Variants in SLC24A2 observed in about 807,000 individuals in gnomAD.
The protein encoded by SLC24A2 is sodium/potassium/calcium exchanger 2.
A neutral mutation model predicts 62.0 loss-of-function variants in SLC24A2; 36 were observed. The observed-to-expected ratio is 0.58, with a 90% CI of 0.44 to 0.77. The LOEUF (loss-of-function observed/expected upper bound fraction) is 0.77. Among genes scored for constraint, SLC24A2 ranks in the 30% least tolerant of loss-of-function variants. The pLI is 0.00. For synonymous variants in SLC24A2, 358 were observed against 294.0 expected (o/e 1.22, Z -2.23); for missense variants, 846 against 817.9 (o/e 1.03, Z -0.42).
intron 2 of SLC24A2, among the ~76,000 whole-genome samples, chr9:19,691,448 G>A (rs1171479232): frequency 6.6e-6 from 1 of 152,094 alleles, no homozygotes; most frequent in African/African-American, 2.4e-5. Context: ...CAGGGCTCAA[G>A]GTGACTGAAG....
At chr9:20,220,826 C>T in the SLC24A2 span, among the ~76,000 whole-genome samples, 2 of 152,062 alleles carry the variant, frequency 1.3e-5, no homozygotes, top group Non-Finnish European at 2.9e-5. Context: ...TCAGAGTTCC[C>T]CAACCCTCAC....
chr9:20,238,754 CATATGTTGAA>C, the SLC24A2 span, among the ~76,000 whole-genome samples: 2 of 152,120 alleles, frequency 1.3e-5, no homozygotes, highest in African/African-American at 4.8e-5. Context: ...TTCCAAAATT[CATATGTTGAA>C]GTATTAACCC....
chr9:20,188,276 G>A, the SLC24A2 span, among the ~76,000 whole-genome samples: 6 of 152,112 alleles, frequency 3.9e-5, no homozygotes, highest in African/African-American at 1.4e-4. Flanking sequence ...TTCCCATCTT[G>A]GGTGCCATCA....
the SLC24A2 span, among the ~76,000 whole-genome samples, chr9:19,931,854 A>G: frequency 6.6e-6 from 1 of 152,210 alleles, no homozygotes; most frequent in African/African-American, 2.4e-5. Flanking sequence ...TCATTGAATA[A>G]AGAAATAAAA....
At chr9:20,016,958 A>G in the SLC24A2 span, among the ~76,000 whole-genome samples, 1 of 152,250 alleles carries the variant, frequency 6.6e-6, no homozygotes, top group Admixed American at 6.5e-5. Flanking sequence ...TAATTAAAAG[A>G]TCACATAAGT....
Position 19,697,765 on chromosome 9 carries a change from T to C in SLC24A2, c.931-75466A>G, listed in dbSNP as rs369636579. ...CTCAAAGAAGACACAATTCATACTT[T>C]CCATTTTTCATTGACATCATTAAGT... On this transcript the variant is annotated intron_variant, in intron 2 of 10. Coordinates refer to ENST00000341998, the MANE Select transcript of SLC24A2 (RefSeq NM_020344.4). Among the ~76,000 whole-genome samples, 6 of 152,274 alleles carry C rather than the reference T, an allele frequency of 3.9e-5. No homozygotes were observed. The South Asian group carries it at 1.2e-3, about 32-fold the overall frequency.
intron 7 of SLC24A2, among the ~76,000 whole-genome samples, chr9:19,552,985 A>G (rs149124771): frequency 6.6e-6 from 1 of 152,176 alleles, no homozygotes; most frequent in African/African-American, 2.4e-5. Context: ...AGAAGAGACT[A>G]TGTCTCAGGC....
chr9:19,694,583 T>C, intron 2 of SLC24A2, among the ~76,000 whole-genome samples: 1 of 152,212 alleles, frequency 6.6e-6, no homozygotes, highest in East Asian at 1.9e-4. Flanking sequence ...TTAGGTATAA[T>C]ATGCATCAAG....
the SLC24A2 span, among the ~76,000 whole-genome samples, chr9:20,179,218 T>C: frequency 6.6e-6 from 1 of 152,110 alleles, no homozygotes; most frequent in African/African-American, 2.4e-5. Flanking sequence ...GTGCCTTGCT[T>C]GTCTGGAAAA....
chr9:20,215,981 C>G, the SLC24A2 span, among the ~76,000 whole-genome samples: 3 of 152,202 alleles, frequency 2.0e-5, no homozygotes, highest in Non-Finnish European at 4.4e-5. Flanking sequence ...CTCAATGAAT[C>G]CTTTTACTGT....
At chr9:19,532,918 G>A (rs993804673) in intron 8 of SLC24A2, among the ~76,000 whole-genome samples, 3 of 152,150 alleles carry the variant, frequency 2.0e-5, no homozygotes, top group South Asian at 2.1e-4. Context: ...CATGAGAGAA[G>A]ATAACTTTTT....
Position 19,788,976 on chromosome 9 carries a change from C to G in SLC24A2, c.-245G>C, listed in dbSNP as rs1045766975. 5.1e-6 allele frequency: 5 copies of G among 982,824 alleles called. No individual in the cohort carries two copies. The highest frequency in any genetic ancestry group is 6.1e-5 in the Admixed American group (1 of 16,270). The allele number at this position is 982,824 out of a possible 1,614,324, so 60.9% of individuals were successfully genotyped here. ...GGCCCTCCGCCTACCCGCTCTGAGGCCCGGGCTCTGGCTCGCACTGGCTGC... is the reference window on the plus strand; with the variant it reads ...GGCCCTCCGCCTACCCGCTCTGAGGGCCGGGCTCTGGCTCGCACTGGCTGC... On this transcript the variant is annotated 5_prime_UTR_variant, in exon 1 of 11. Coordinates refer to ENST00000341998, the MANE Select transcript of SLC24A2 (RefSeq NM_020344.4).
intron 5 of SLC24A2, among the ~76,000 whole-genome samples, chr9:19,590,553 C>G (rs1208442670): frequency 2.0e-5 from 3 of 152,192 alleles, no homozygotes; most frequent in Non-Finnish European, 2.9e-5. Flanking sequence ...CCCTTCTACC[C>G]AAGCGGACTT....
chr9:19,650,371 C>T (rs930824661), intron 2 of SLC24A2, among the ~76,000 whole-genome samples: 1 of 152,164 alleles, frequency 6.6e-6, no homozygotes, highest in African/African-American at 2.4e-5. Flanking sequence ...TCTGCAGGTA[C>T]CCAGCATGGG....
At chr9:20,179,308 T>C in the SLC24A2 span, among the ~76,000 whole-genome samples, 6 of 152,084 alleles carry the variant, frequency 3.9e-5, no homozygotes, top group African/African-American at 1.4e-4. Flanking sequence ...GTGCACACCA[T>C]ACCCTATAGC....
the SLC24A2 span, among the ~76,000 whole-genome samples, chr9:20,189,499 A>G: frequency 2.2e-4 from 33 of 152,206 alleles, no homozygotes; most frequent in African/African-American, 8.0e-4. Context: ...TATGGAAGAA[A>G]TCTTAAAGAA....
At chr9:20,150,671 T>C in the SLC24A2 span, among the ~76,000 whole-genome samples, 2 of 146,172 alleles carry the variant, frequency 1.4e-5, no homozygotes, top group East Asian at 3.9e-4. Context: ...CTTGTCAAAA[T>C]AACAAAAAAT....
At chr9:19,746,246 G>A (rs1821830351) in intron 2 of SLC24A2, among the ~76,000 whole-genome samples, 1 of 151,878 alleles carries the variant, frequency 6.6e-6, no homozygotes, top group African/African-American at 2.4e-5. Context: ...CCATAAATAA[G>A]AAATTTAAAT....
the SLC24A2 span, among the ~76,000 whole-genome samples, chr9:20,178,677 G>A: frequency 2.0e-5 from 3 of 152,102 alleles, no homozygotes; most frequent in Non-Finnish European, 4.4e-5. Context: ...ACTTAACAGA[G>A]CTCACCTAGC....
Sources: allele counts gnomAD v4.1 joint callset (sites outside exome capture counted in the v4.1 genomes callset), GRCh38; gene constraint gnomAD v4.1.1; transcripts MANE v1.5; gene names NCBI Gene and HGNC (gene_info 2026-07-23, HGNC 2026-07-21).